Variants in SLCO3A1 observed in about 807,000 individuals in gnomAD.
SLCO3A1 encodes the protein PGE1 transporter.
SLCO3A1 carries 27 observed loss-of-function variants against 63.1 expected under a neutral mutation model. That is an observed-to-expected ratio of 0.43 (90% CI 0.32 to 0.59). The LOEUF (loss-of-function observed/expected upper bound fraction) is 0.59. Among genes scored for constraint, SLCO3A1 ranks in the 20% least tolerant of loss-of-function variants. SLCO3A1 has a pLI of 0.09. For missense variants in SLCO3A1, 773 were observed against 945.8 expected, an observed-to-expected ratio of 0.82 and a Z score of 2.40; for synonymous variants, 473 against 409.9, an observed-to-expected ratio of 1.15 and a Z score of -1.86.
chr15:92,136,330 A>G (rs2048056835), intron 7 of SLCO3A1, among the ~76,000 whole-genome samples: 2 of 152,122 alleles, frequency 1.3e-5, no homozygotes. Context: ...TCAGGATTGG[A>G]TGTGGGGGGA....
In SLCO3A1 at chr15:91,968,224, G is replaced by C. The variant is rs1250920299; in HGVS notation, c.646+51766G>C. Reference sequence around the variant, plus strand: ...CAGTGCCGGATCAGAGACTGGAAAAGTCTGTATGCCCCCTCCCTACCTTAC... The same window carrying C: ...CAGTGCCGGATCAGAGACTGGAAAACTCTGTATGCCCCCTCCCTACCTTAC... On this transcript the variant is annotated intron_variant, in intron 2 of 9. Transcript: ENST00000318445. This position sits in a 1 kb window ranked among gnomAD's most constrained non-coding sequence, Gnocchi z 4.2. 6.6e-6 allele frequency among the ~76,000 whole-genome samples: 1 copy of C among 152,150 alleles called. No individual in the cohort carries two copies. Among genetic ancestry groups the C allele is most frequent in the Non-Finnish European group, 1.5e-5 (1 of 68,028 alleles).
intron 2 of SLCO3A1, among the ~76,000 whole-genome samples, chr15:92,053,707 T>TTC (rs1385612336): frequency 1.3e-5 from 2 of 151,232 alleles, no homozygotes; most frequent in Non-Finnish European, 2.9e-5. Context: ...TTTTTTTTTT[T>TTC]TTTACTTCTC....
At chr15:92,011,195 C>T (rs530214183) in intron 2 of SLCO3A1, among the ~76,000 whole-genome samples, 5 of 152,328 alleles carry the variant, frequency 3.3e-5, no homozygotes, top group Admixed American at 3.3e-4. Flanking sequence ...ATTTCCTCTC[C>T]TTTCTACCTG....
chr15:92,117,677 G>T (rs1026434942), intron 4 of SLCO3A1, among the ~76,000 whole-genome samples: 3 of 152,130 alleles, frequency 2.0e-5, no homozygotes, highest in African/African-American at 7.2e-5. Context: ...TGGCATGGCC[G>T]ACAGGTCTCC....
chr15:91,893,436 C>T (rs1897921462), intron 1 of SLCO3A1, among the ~76,000 whole-genome samples: 1 of 152,172 alleles, frequency 6.6e-6, no homozygotes, highest in Non-Finnish European at 1.5e-5. Context: ...GATCTGGTAT[C>T]TGGTAAGGGC....
chr15:91,899,640 C>T (rs911658200), intron 1 of SLCO3A1, among the ~76,000 whole-genome samples: 2 of 151,938 alleles, frequency 1.3e-5, no homozygotes, highest in Non-Finnish European at 2.9e-5. Flanking sequence ...CCATAAAATC[C>T]GTCCATGCTA....
chr15:92,130,331 TC>T (rs1415825869), intron 7 of SLCO3A1, among the ~76,000 whole-genome samples: 2 of 152,350 alleles, frequency 1.3e-5, no homozygotes, highest in Non-Finnish European at 2.9e-5. Flanking sequence ...CTACTGTTTG[TC>T]CCCCAGACAC....
chr15:92,166,462 A>T (rs947072725), downstream of SLCO3A1, among the ~76,000 whole-genome samples: 2 of 152,214 alleles, frequency 1.3e-5, no homozygotes, highest in African/African-American at 4.8e-5. Context: ...AACTCGCTCT[A>T]GTGCTGACTT....
At chr15:92,170,664 T>C (rs557273413), downstream of SLCO3A1, among the ~76,000 whole-genome samples, 51 of 152,332 alleles carry the variant, frequency 3.3e-4, no homozygotes, top group Middle Eastern at 0.014. Context: ...CAGGAGTCTA[T>C]TGTTTCATAG....
At chr15:91,995,284 C>T (rs1251629698) in intron 2 of SLCO3A1, among the ~76,000 whole-genome samples, 2 of 152,146 alleles carry the variant, frequency 1.3e-5, no homozygotes, top group African/African-American at 4.8e-5. Flanking sequence ...CGTGAGACTT[C>T]GGACAAGTTA....
chr15:92,139,994 T>C (rs542879460), intron 7 of SLCO3A1, among the ~76,000 whole-genome samples: 244 of 142,202 alleles, frequency 1.7e-3, no homozygotes, highest in Non-Finnish European at 2.9e-3. Context: ...CTGCTCTGAT[T>C]TTAGTTATTT....
At chr15:92,087,513 ATTATTTTTTTT>A (rs1209596496) in intron 2 of SLCO3A1, among the ~76,000 whole-genome samples, 1 of 136,550 alleles carries the variant, frequency 7.3e-6, no homozygotes, top group Non-Finnish European at 1.5e-5. Flanking sequence ...TTTATTATCT[ATTATTTTTTTT>A]TTTTTTTTTT....
Position 91,900,290 on chromosome 15 carries a change from T to A in SLCO3A1, c.181-15703T>A, listed in dbSNP as rs1286267348. On this transcript the variant is annotated intron_variant, in intron 1 of 9. Coordinates refer to ENST00000318445, the MANE Select transcript of SLCO3A1 (RefSeq NM_013272.4). The surrounding 1 kb of genome is among the most constrained non-coding windows in gnomAD (Gnocchi z 4.3). Reference sequence around the variant, plus strand: ...CTAGCAGTATCTGAGTGTTCCAGTTTCCTCAGATGGACGTGAATACTTTGT... The same window carrying A: ...CTAGCAGTATCTGAGTGTTCCAGTTACCTCAGATGGACGTGAATACTTTGT... 3.3e-5 allele frequency among the ~76,000 whole-genome samples: 5 copies of A among 152,218 alleles called. No individual in the cohort carries two copies. Among genetic ancestry groups the A allele is most frequent in the Admixed American group, 2.0e-4 (3 of 15,282 alleles).
chr15:92,148,611 C>G lies in SLCO3A1; in HGVS notation c.1688+1452C>G, dbSNP rs372673184. ...AAATTGCTGGTGGCATGGGAAAAGG[C>G]TATCACTCCTTTCAAAAAAGCAATA... On this transcript the variant is annotated intron_variant, in intron 8 of 9. Coordinates refer to ENST00000318445, the MANE Select transcript of SLCO3A1 (RefSeq NM_013272.4). 294 of 152,286 alleles carry G rather than the reference C, an allele frequency of 1.9e-3. 1 individual carries two copies. The highest frequency in any genetic ancestry group is 6.7e-3 in the African/African-American group (280 of 41,544). The allele number at this position is 152,286 out of a possible 1,614,324, so 9.4% of individuals were successfully genotyped here. A position where few individuals can be genotyped will look rare whatever the true frequency, so the allele number is the denominator to read the frequency against.
intron 2 of SLCO3A1, among the ~76,000 whole-genome samples, chr15:91,952,614 A>G (rs1052635172): frequency 2.0e-5 from 3 of 152,246 alleles, no homozygotes; most frequent in Admixed American, 6.5e-5. Flanking sequence ...GTATCTGGCT[A>G]TGATGTTCAA....
Position 92,049,955 on chromosome 15 carries a change from C to CAGCAAATG in SLCO3A1, c.647-44925_647-44918dup, listed in dbSNP as rs539459338. On this transcript the variant is annotated intron_variant, in intron 2 of 9. Coordinates refer to ENST00000318445, the MANE Select transcript of SLCO3A1 (RefSeq NM_013272.4). ...CAGAAGAGTTCAGAACCTGAAGGAG[C>CAGCAAATG]AGCAAATGTCAGCGGAATTTCTTCC... Among the ~76,000 whole-genome samples, 29 of 152,294 alleles carry CAGCAAATG rather than the reference C, an allele frequency of 1.9e-4. 1 individual carries two copies. The South Asian group carries it at 6.0e-3, about 32-fold the overall frequency.
chr15:92,113,221 G>A (rs551719163), intron 4 of SLCO3A1, among the ~76,000 whole-genome samples: 2 of 152,278 alleles, frequency 1.3e-5, no homozygotes, highest in East Asian at 3.9e-4. Context: ...GGAAATGACT[G>A]GGGCGACACC....
At chr15:92,107,449 G>A (rs967941527) in intron 4 of SLCO3A1, among the ~76,000 whole-genome samples, 4 of 152,166 alleles carry the variant, frequency 2.6e-5, no homozygotes, top group African/African-American at 4.8e-5. Flanking sequence ...GCACCATGCA[G>A]TGCACCCTGG....
At chr15:91,994,683 G>T (rs1469867660) in intron 2 of SLCO3A1, among the ~76,000 whole-genome samples, 1 of 152,222 alleles carries the variant, frequency 6.6e-6, no homozygotes, top group Non-Finnish European at 1.5e-5. Context: ...TGGAGCTTCT[G>T]TACAATCATC....
Sources: allele counts gnomAD v4.1 joint callset (sites outside exome capture counted in the v4.1 genomes callset), GRCh38; gene constraint gnomAD v4.1.1; non-coding constraint Gnocchi (gnomAD v3.1); transcripts MANE v1.5; gene names NCBI Gene and HGNC (gene_info 2026-07-23, HGNC 2026-07-21).